CEP112: variants seen among roughly 807,000 people sequenced by gnomAD.
The protein encoded by CEP112 is centrosomal protein 112.
CEP112 carries 127 observed loss-of-function variants against 153.0 expected under a neutral mutation model. The ratio of observed to expected loss-of-function variants is 0.83; its 90% confidence interval spans 0.72 to 0.96. The LOEUF is 0.96. Among genes scored for constraint, CEP112 ranks in the 40% least tolerant of loss-of-function variants. CEP112 has a pLI of 0.00. For missense variants in CEP112, 1,089 were observed against 1,101.2 expected (o/e 0.99, Z 0.16); for synonymous variants, 358 against 374.4 (o/e 0.96, Z 0.51).
intron 21 of CEP112, among the ~76,000 whole-genome samples, chr17:65,803,482 A>G (rs2055402345): frequency 6.6e-6 from 1 of 152,272 alleles, no homozygotes; most frequent in African/African-American, 2.4e-5. Context: ...AAACAAAAGT[A>G]TCTCAAATTT....
At chr17:65,738,625 A>C (rs1440795185) in intron 23 of CEP112, among the ~76,000 whole-genome samples, 2 of 152,204 alleles carry the variant, frequency 1.3e-5, no homozygotes, top group African/African-American at 4.8e-5. Flanking sequence ...AAAAACTGTT[A>C]CAGTTTTTTA....
intron 21 of CEP112, among the ~76,000 whole-genome samples, chr17:65,751,576 G>C (rs1384151503): frequency 2.0e-5 from 3 of 152,060 alleles, no homozygotes; most frequent in Non-Finnish European, 2.9e-5. Flanking sequence ...CTGTACGTCT[G>C]TTTCTCTCCC....
At chr17:65,732,170 C>A (rs527375120) in intron 23 of CEP112, among the ~76,000 whole-genome samples, 1 of 152,312 alleles carries the variant, frequency 6.6e-6, no homozygotes, top group South Asian at 2.1e-4. Context: ...GATTAATGAG[C>A]TGGAGAATGG....
In CEP112 at chr17:66,023,954, A is replaced by C. The variant is rs367660744; in HGVS notation, c.1656+3547T>G. On this transcript the variant is annotated intron_variant, in intron 16 of 26. Transcript: ENST00000535342. ...AAGAAATCAAGTCCAACAGCACATC[A>C]AAAACATAATACACCATGATCAAGT... Among the ~76,000 whole-genome samples, 5 of 152,214 alleles carry C rather than the reference A, an allele frequency of 3.3e-5. No homozygotes were observed. The East Asian group carries it at 5.8e-4, about 18-fold the overall frequency.
At chr17:65,679,502 G>C (rs1266013292) in intron 24 of CEP112, among the ~76,000 whole-genome samples, 1 of 152,094 alleles carries the variant, frequency 6.6e-6, no homozygotes, top group African/African-American at 2.4e-5. Flanking sequence ...CTTTTAAATA[G>C]ACTTCACTGC....
chr17:66,158,175 C>T (rs987234996), intron 4 of CEP112, among the ~76,000 whole-genome samples: 4 of 152,124 alleles, frequency 2.6e-5, no homozygotes, highest in East Asian at 1.9e-4. Flanking sequence ...GAACAGAAAT[C>T]ATAATAAACA....
chr17:65,778,755 T>C (rs570356338), intron 21 of CEP112, among the ~76,000 whole-genome samples: 11 of 152,206 alleles, frequency 7.2e-5, no homozygotes, highest in Non-Finnish European at 1.2e-4. Context: ...TATGATTTAC[T>C]ATACTTTTTA....
At chr17:65,692,336 C>T (rs2048151497) in intron 23 of CEP112, among the ~76,000 whole-genome samples, 1 of 149,264 alleles carries the variant, frequency 6.7e-6, no homozygotes, top group South Asian at 2.1e-4. Flanking sequence ...TCAAGCGATT[C>T]TCCTGCCTCA....
At chr17:65,956,409 T>TACAC (rs55652336) in intron 18 of CEP112, among the ~76,000 whole-genome samples, 46 of 146,722 alleles carry the variant, frequency 3.1e-4, no homozygotes, top group Non-Finnish European at 3.5e-4. Context: ...CATACATACA[T>TACAC]ACACACACAC....
intron 24 of CEP112, among the ~76,000 whole-genome samples, chr17:65,682,208 G>A (rs142122889): frequency 1.3e-5 from 2 of 151,064 alleles, no homozygotes; most frequent in African/African-American, 4.9e-5. Context: ...TGGTCAGGCT[G>A]GCCTTGAGCT....
chr17:66,107,997 T>C (rs1317386054), intron 6 of CEP112, among the ~76,000 whole-genome samples: 1 of 151,964 alleles, frequency 6.6e-6, no homozygotes, highest in Non-Finnish European at 1.5e-5. Context: ...AATCCATATA[T>C]TTACAGTGAA....
intron 2 of CEP112, 24 bp from the exon 3 acceptor site, chr17:66,177,044 G>T (rs187058530): frequency 3.1e-5 from 48 of 1,555,094 alleles, no homozygotes; most frequent in Middle Eastern, 1.7e-4. Flanking sequence ...AGAACTATTA[G>T]AAATTTTATT....
At chr17:66,168,936 C>A (rs1159241260) in intron 4 of CEP112, among the ~76,000 whole-genome samples, 1 of 152,102 alleles carries the variant, frequency 6.6e-6, no homozygotes, top group African/African-American at 2.4e-5. Flanking sequence ...ACATGGCCTG[C>A]ATGGTGTGGC....
chr17:65,700,071 T>A (rs1430099730), intron 23 of CEP112, among the ~76,000 whole-genome samples: 1 of 151,722 alleles, frequency 6.6e-6, no homozygotes, highest in African/African-American at 2.4e-5. Context: ...CTCCTCCTCC[T>A]TCCCACATGC....
intron 6 of CEP112, among the ~76,000 whole-genome samples, chr17:66,125,843 A>G (rs1432790515): frequency 6.6e-6 from 1 of 152,226 alleles, no homozygotes; most frequent in East Asian, 1.9e-4. Context: ...AGAAAATATT[A>G]TCAATTCAAT....
chr17:66,142,756 T>A (rs148473931), intron 4 of CEP112, among the ~76,000 whole-genome samples: 134 of 152,338 alleles, frequency 8.8e-4, no homozygotes, highest in African/African-American at 3.2e-3. Flanking sequence ...ACTATAGATT[T>A]GTAATACATT....
chr17:66,007,546 C>T (rs549414446), intron 16 of CEP112, among the ~76,000 whole-genome samples: 74 of 152,262 alleles, frequency 4.9e-4, no homozygotes, highest in African/African-American at 1.5e-3. Context: ...ACCATTTCAA[C>T]GCAAATCTAG....
At chr17:65,801,915 T>C (rs1390031121) in intron 21 of CEP112, among the ~76,000 whole-genome samples, 4 of 152,166 alleles carry the variant, frequency 2.6e-5, no homozygotes, top group Non-Finnish European at 5.9e-5. Context: ...TTTCTTTGCA[T>C]GTCTCATAAT....
intron 6 of CEP112, among the ~76,000 whole-genome samples, chr17:66,123,015 T>G (rs1480232020): frequency 1.3e-5 from 2 of 152,236 alleles, no homozygotes; most frequent in African/African-American, 4.8e-5. Context: ...TCACTGGTCT[T>G]CAGACTGCCT....
Sources: gnomAD v4.1 joint callset for allele counts (sites outside exome capture counted in the v4.1 genomes callset) on GRCh38, gnomAD v4.1.1 for gene constraint, MANE v1.5 for transcripts, NCBI Gene and HGNC (gene_info 2026-07-23, HGNC 2026-07-21) for gene names.